CTNNBIP1: variants seen among roughly 807,000 people sequenced by gnomAD.
CTNNBIP1 encodes the protein beta-catenin-interacting protein 1.
Under a neutral mutation model 11.8 loss-of-function variants are expected in CTNNBIP1, and 7 were observed. The ratio of observed to expected loss-of-function variants is 0.60; its 90% CI spans 0.34 to 1.12. The LOEUF (loss-of-function observed/expected upper bound fraction) is 1.12, where lower values mean the gene tolerates loss of function less well. Ranked by LOEUF, CTNNBIP1 falls within the 50% of genes most tolerant of loss-of-function variation. The pLI is 0.03. For synonymous variants in CTNNBIP1, 58 were observed against 43.9 expected (o/e 1.32, Z -1.26); for missense variants, 101 against 113.4 (o/e 0.89, Z 0.50).
At chr1:9,888,930 G>A (rs920874537) in intron 1 of CTNNBIP1, among the ~76,000 whole-genome samples, 17 of 152,148 alleles carry the variant, frequency 1.1e-4, no homozygotes, top group African/African-American at 3.4e-4. Flanking sequence ...ATACAGCCCC[G>A]CAATGGCCAG....
chr1:9,856,960 T>C (rs1638516316), intron 5 of CTNNBIP1, among the ~76,000 whole-genome samples: 1 of 151,022 alleles, frequency 6.6e-6, no homozygotes, highest in African/African-American at 2.4e-5. Flanking sequence ...CAGTCTCTAC[T>C]AAAAATAAAA....
chr1:9,897,056 C>T (rs111715354), intron 1 of CTNNBIP1, among the ~76,000 whole-genome samples: 5,250 of 148,222 alleles, frequency 0.035, 289 homozygotes, highest in African/African-American at 0.12. Context: ...GCAAGAGAAT[C>T]GCTTGAACAC....
At chr1:9,906,517 C>T (rs1310783375) in intron 1 of CTNNBIP1, among the ~76,000 whole-genome samples, 2 of 152,050 alleles carry the variant, frequency 1.3e-5, no homozygotes, top group African/African-American at 4.8e-5. Context: ...CAAGATTGTG[C>T]TATTGCACTC....
chr1:9,909,961 A>C (rs1639702226), intron 1 of CTNNBIP1, 134 bp downstream of exon 1: 1 of 151,694 alleles, frequency 6.6e-6, no homozygotes. Context: ...TGGGGCAGTC[A>C]GGGGTCCGAG....
At chr1:9,878,053 G>C (rs1639008470) in intron 2 of CTNNBIP1, 64 bp from the exon 3 acceptor site, 1 of 152,716 alleles carries the variant, frequency 6.5e-6, no homozygotes, top group African/African-American at 2.4e-5. Flanking sequence ...TGCCAGGGCT[G>C]GGCCTGGAGC....
chr1:9,852,765 G>A (rs182629376), intron 5 of CTNNBIP1, among the ~76,000 whole-genome samples: 57 of 152,308 alleles, frequency 3.7e-4, no homozygotes, highest in African/African-American at 1.3e-3. Context: ...GTGGCAGCCC[G>A]CTCACTCCTC....
chr1:9,897,584 G>A (rs1232214568), intron 1 of CTNNBIP1, among the ~76,000 whole-genome samples: 4 of 151,956 alleles, frequency 2.6e-5, no homozygotes, highest in South Asian at 2.1e-4. Flanking sequence ...CCCAGGAGGC[G>A]GAGGTTGCAG....
chr1:9,871,941 C>A lies in CTNNBIP1; in HGVS notation c.96+28G>T, dbSNP rs377549491. On this transcript the variant is annotated intron_variant, in intron 4 of 5. Transcript: ENST00000377263. This position sits in a 1 kb window ranked among gnomAD's most constrained non-coding sequence, Gnocchi z 5.2. ...CCCTGGGAGACCCTCCCTGGGGGCCCGCTGCCTGACACCCCACAGGCACTC... is the reference window on the plus strand; with the variant it reads ...CCCTGGGAGACCCTCCCTGGGGGCCAGCTGCCTGACACCCCACAGGCACTC... 3 of 1,595,896 alleles carry A rather than the reference C, an allele frequency of 1.9e-6. No homozygotes were observed. The highest frequency in any genetic ancestry group is 2.6e-6 in the Non-Finnish European group (3 of 1,163,458).
intron 2 of CTNNBIP1, chr1:9,878,261 C>T (rs1639012035): frequency 1.3e-5 from 2 of 152,380 alleles, no homozygotes; most frequent in Non-Finnish European, 1.5e-5. Context: ...AACACCACAC[C>T]CCCTGCTCCC....
At position 9,849,636 on chromosome 1, in the gene CTNNBIP1, C is replaced by T. The variant is rs1638333082; in HGVS notation, c.*1082G>A. 1 of 152,266 alleles carries T rather than the reference C, an allele frequency of 6.6e-6. No individual in the cohort carries two copies. The highest frequency in any genetic ancestry group is 2.4e-5 in the African/African-American group (1 of 41,440). 9.4% of individuals were successfully genotyped at this position (152,266 alleles called of 1,614,324 possible). A position where few individuals can be genotyped will look rare whatever the true frequency, so the allele number is the denominator to read the frequency against. On this transcript the variant is annotated 3_prime_UTR_variant, in exon 6 of 6. Coordinates refer to ENST00000377263, the MANE Select transcript of CTNNBIP1 (RefSeq NM_020248.3). ...GTCTCACACTGGGAGAAGCTCCTCC[C>T]CTTTCCAAGATGACCCCCAAAATGA...
At chr1:9,898,307 C>T (rs905759281) in intron 1 of CTNNBIP1, among the ~76,000 whole-genome samples, 2 of 152,030 alleles carry the variant, frequency 1.3e-5, no homozygotes, top group African/African-American at 4.8e-5. Flanking sequence ...GGGCGCATCA[C>T]GAGGTCAGGA....
In CTNNBIP1 at chr1:9,871,190, G is replaced by C; in HGVS notation, c.184C>G (p.Gln62Glu). 2 of 1,569,548 alleles carry C rather than the reference G, an allele frequency of 1.3e-6. No individual in the cohort carries two copies. Among genetic ancestry groups the C allele is most frequent in the African/African-American group, 1.3e-5 (1 of 74,516 alleles). ...AGCCCCTCTGCCGCCAACTCACCCT[G>C]GTCGATGGAGTGCGGAGGCAGCTGG... ...LSQLPPHSID[Q>E]GAEDVVMAFS... Residue 62 changes from glutamine to glutamate, a missense_variant, in exon 5 of 6, where the codon CAG becomes GAG. Transcript: ENST00000377263. The surrounding 1 kb of genome is among the most constrained non-coding windows in gnomAD (Gnocchi z 5.2).
In CTNNBIP1 at chr1:9,856,873, C is replaced by T. The variant is rs139673924; in HGVS notation, c.188-6097G>A. On this transcript the variant is annotated intron_variant, in intron 5 of 5. Transcript: ENST00000377263. ...GTGCAGTGGCTCACGCCTGTAATTC[C>T]AGCATTTTGAGAGGCCGAGATGGGG... is the stretch of plus-strand genomic sequence containing the variant. Among the ~76,000 whole-genome samples, 442 of 152,002 alleles carry T rather than the reference C, an allele frequency of 2.9e-3. 2 individuals are homozygous for T. Among genetic ancestry groups the T allele is most frequent in the Non-Finnish European group, 4.7e-3 (320 of 67,956 alleles).
intron 2 of CTNNBIP1, among the ~76,000 whole-genome samples, chr1:9,882,567 AG>A (rs1269770679): frequency 1.3e-5 from 2 of 152,160 alleles, no homozygotes; most frequent in Non-Finnish European, 2.9e-5. Flanking sequence ...GGAGGGGAAG[AG>A]GTGTTTCAGC....
intron 1 of CTNNBIP1, among the ~76,000 whole-genome samples, chr1:9,908,432 G>C (rs908561097): frequency 4.1e-5 from 6 of 147,336 alleles, no homozygotes; most frequent in Non-Finnish European, 1.5e-5. Context: ...GGAGTGCAGT[G>C]GCGTGACCTC....
intron 5 of CTNNBIP1, among the ~76,000 whole-genome samples, chr1:9,859,508 G>C (rs940224833): frequency 6.6e-6 from 1 of 152,212 alleles, no homozygotes; most frequent in Non-Finnish European, 1.5e-5. Flanking sequence ...CAGGCTTTTG[G>C]AGAAAGCCTC....
chr1:9,903,469 C>T (rs1639560447), intron 1 of CTNNBIP1, among the ~76,000 whole-genome samples: 1 of 152,204 alleles, frequency 6.6e-6, no homozygotes, highest in Non-Finnish European at 1.5e-5. Context: ...CAGCTATTCC[C>T]CCACAGAAGG....
At chr1:9,907,157 T>C (rs1434274168) in intron 1 of CTNNBIP1, among the ~76,000 whole-genome samples, 1 of 151,974 alleles carries the variant, frequency 6.6e-6, no homozygotes, top group Non-Finnish European at 1.5e-5. Context: ...TTTTATTCTG[T>C]TTTTTGGGGA....
chr1:9,859,306 T>C (rs1638574621), intron 5 of CTNNBIP1, among the ~76,000 whole-genome samples: 1 of 152,216 alleles, frequency 6.6e-6, no homozygotes, highest in Non-Finnish European at 1.5e-5. Flanking sequence ...ATGCCAGCTT[T>C]GCCCCTTTAG....
Sources: allele counts gnomAD v4.1 joint callset (sites outside exome capture counted in the v4.1 genomes callset), GRCh38; gene constraint gnomAD v4.1.1; non-coding constraint Gnocchi (gnomAD v3.1); transcripts MANE v1.5; gene names NCBI Gene and HGNC (gene_info 2026-07-23, HGNC 2026-07-21).